LEMD3: variants seen among roughly 807,000 people sequenced by gnomAD.
LEMD3 encodes the protein LEM domain containing 3, also known as inner nuclear membrane protein Man1.
Under a neutral mutation model 95.2 loss-of-function variants are expected in LEMD3, and 33 were observed. That is an observed-to-expected ratio of 0.35 (90% CI 0.26 to 0.46). The LOEUF is 0.46. Among genes scored for constraint, LEMD3 ranks in the 20% least tolerant of loss-of-function variants. The pLI, the probability that LEMD3 is intolerant of heterozygous loss-of-function variation, is 1.00. For synonymous variants in LEMD3, 525 were observed against 474.6 expected (o/e 1.11, Z -1.38); for missense variants, 1,210 against 1,192.8 (o/e 1.01, Z -0.21).
At chr12:65,183,625 A>G (rs1025322934) in intron 1 of LEMD3, among the ~76,000 whole-genome samples, 5 of 152,308 alleles carry the variant, frequency 3.3e-5, no homozygotes, top group African/African-American at 1.2e-4. Flanking sequence ...GTAGAGGAGC[A>G]GGATTTAAAG....
intron 4 of LEMD3, among the ~76,000 whole-genome samples, chr12:65,221,776 TGTCGCCCAGGCTGGA>T (rs1870299606): frequency 6.8e-6 from 1 of 147,114 alleles, no homozygotes; most frequent in African/African-American, 2.6e-5. Flanking sequence ...AGTCTCACTC[TGTCGCCCAGGCTGGA>T]GTGCAGTGGT....
chr12:65,239,649 GA>G (rs1245259118), intron 6 of LEMD3, among the ~76,000 whole-genome samples: 6 of 151,936 alleles, frequency 3.9e-5, no homozygotes, highest in African/African-American at 1.4e-4. Flanking sequence ...TGCTTCAAAG[GA>G]AAAAAGTTTG....
At chr12:65,220,078 A>T (rs1158854336) in intron 4 of LEMD3, among the ~76,000 whole-genome samples, 1 of 152,204 alleles carries the variant, frequency 6.6e-6, no homozygotes, top group East Asian at 1.9e-4. Context: ...AGTGGGATTG[A>T]TAGATAATAT....
At chr12:65,230,694 A>T (rs1277179381) in intron 4 of LEMD3, among the ~76,000 whole-genome samples, 2 of 152,148 alleles carry the variant, frequency 1.3e-5, no homozygotes, top group Non-Finnish European at 2.9e-5. Context: ...ACATCATGTC[A>T]TCTGCACATA....
intron 1 of LEMD3, among the ~76,000 whole-genome samples, chr12:65,198,107 G>C (rs990609): frequency 0.49 from 74,985 of 151,874 alleles, 20,155 homozygotes; most frequent in Middle Eastern, 0.66. Context: ...CCAAATTCTT[G>C]TTTAGCACTA....
At chr12:65,226,770 G>A (rs936022974) in intron 4 of LEMD3, among the ~76,000 whole-genome samples, 5 of 152,158 alleles carry the variant, frequency 3.3e-5, no homozygotes, top group African/African-American at 9.7e-5. Flanking sequence ...TGGGACTGCC[G>A]TTAATACCTG....
chr12:65,182,410 G>A (rs886162453), intron 1 of LEMD3, among the ~76,000 whole-genome samples: 2 of 152,052 alleles, frequency 1.3e-5, no homozygotes, highest in Non-Finnish European at 2.9e-5. Flanking sequence ...TATAAGATAG[G>A]ACTTAACAGC....
chr12:65,177,393 CAA>C (rs1193421092), intron 1 of LEMD3, among the ~76,000 whole-genome samples: 1 of 151,286 alleles, frequency 6.6e-6, no homozygotes, highest in African/African-American at 2.5e-5. Context: ...AGATAGGAGT[CAA>C]AGATTATTCT....
At chr12:65,236,374 T>TCTA (rs1221537996) in intron 4 of LEMD3, among the ~76,000 whole-genome samples, 14 of 152,198 alleles carry the variant, frequency 9.2e-5, no homozygotes, top group African/African-American at 3.4e-4. Flanking sequence ...AAACCCCATC[T>TCTA]CTACTACTAC....
At position 65,238,576 on chromosome 12, in the gene LEMD3, A is replaced by C; in HGVS notation, c.1770A>C (p.Gly590=). ...QWILENGKDV[G]IRCVGFGPEE... ...TCTTAGAAAATGGAAAAGATGTTGG[A>C]ATAAGGTAAAGGATCTGATTTCCAC... Residue 590 remains glycine, a synonymous_variant, in exon 5 of 13, where the codon GGA becomes GGC. Coordinates refer to ENST00000308330, the MANE Select transcript of LEMD3 (RefSeq NM_014319.5). The C allele has an allele frequency of 6.2e-7, 1 of 1,612,342 alleles. No individual in the cohort carries two copies. The highest frequency in any genetic ancestry group is 1.3e-5 in the African/African-American group (1 of 75,016).
chr12:65,210,578 C>T (rs1219849722), intron 1 of LEMD3, among the ~76,000 whole-genome samples: 2 of 152,104 alleles, frequency 1.3e-5, no homozygotes. Context: ...GTTATCCATA[C>T]TCCTTTAAAG....
chr12:65,218,675 T>A, intron 4 of LEMD3, 56 bp downstream of exon 4: 1 of 973,546 alleles, frequency 1.0e-6, no homozygotes, highest in Non-Finnish European at 1.6e-6. Flanking sequence ...ATATAAATCA[T>A]TGCTACTTGT....
At position 65,174,253 on chromosome 12, in the gene LEMD3, A is replaced by G. The variant is rs144698857; in HGVS notation, c.1522+3135A>G. On this transcript the variant is annotated intron_variant, in intron 1 of 12. Coordinates refer to ENST00000308330, the MANE Select transcript of LEMD3 (RefSeq NM_014319.5). The stretch of plus-strand genomic sequence containing the variant: ...GCTATAAGTCTCTTCTTCCTCATCT[A>G]TAAAACTAGGGGGTTGGATTAGATG... 5.3e-3 allele frequency among the ~76,000 whole-genome samples: 800 copies of G among 152,204 alleles called. 9 individuals carry two copies. Among genetic ancestry groups the G allele is most frequent in the African/African-American group, 0.018 (756 of 41,522 alleles).
chr12:65,211,804 G>T (rs934706779), intron 2 of LEMD3, among the ~76,000 whole-genome samples: 4 of 152,134 alleles, frequency 2.6e-5, no homozygotes, highest in Non-Finnish European at 5.9e-5. Flanking sequence ...ATTTGGTACA[G>T]TATACTTACT....
At chr12:65,173,701 A>C (rs1426541924) in intron 1 of LEMD3, among the ~76,000 whole-genome samples, 3 of 152,364 alleles carry the variant, frequency 2.0e-5, no homozygotes, top group East Asian at 1.9e-4. Flanking sequence ...TAAATAGTTA[A>C]GACATTTCTA....
intron 1 of LEMD3, among the ~76,000 whole-genome samples, chr12:65,189,565 C>T (rs957437190): frequency 3.3e-5 from 5 of 152,188 alleles, no homozygotes; most frequent in Non-Finnish European, 7.3e-5. Flanking sequence ...TTTATAGATA[C>T]AATGTCAAGG....
chr12:65,205,640 A>G (rs1177726260), intron 1 of LEMD3, among the ~76,000 whole-genome samples: 1 of 152,154 alleles, frequency 6.6e-6, no homozygotes, highest in Non-Finnish European at 1.5e-5. Context: ...ACAGGTGAAA[A>G]TTGGGAGTTC....
At chr12:65,183,215 A>G (rs953000542) in intron 1 of LEMD3, among the ~76,000 whole-genome samples, 3 of 152,172 alleles carry the variant, frequency 2.0e-5, no homozygotes, top group African/African-American at 7.2e-5. Flanking sequence ...CTAGAATATT[A>G]TTTTGACATA....
intron 10 of LEMD3, among the ~76,000 whole-genome samples, chr12:65,243,774 G>A (rs1260702053): frequency 6.6e-6 from 1 of 152,126 alleles, no homozygotes; most frequent in African/African-American, 2.4e-5. Flanking sequence ...TTTATTAAAT[G>A]TGTAAGTCAT....
Sources: gnomAD v4.1 joint callset for allele counts (sites outside exome capture counted in the v4.1 genomes callset) on GRCh38, gnomAD v4.1.1 for gene constraint, MANE v1.5 for transcripts, NCBI Gene and HGNC (gene_info 2026-07-23, HGNC 2026-07-21) for gene names.